The following PHACTR4 variants were observed in gnomAD, a reference collection of about 807,000 sequenced individuals.
PHACTR4 encodes phosphatase and actin regulator 4, also known as protein phosphatase 1, regulatory subunit 124.
In PHACTR4, 51 loss-of-function variants were observed where a neutral mutation model predicts 72.7. That is an observed-to-expected ratio of 0.70 (90% confidence interval 0.56 to 0.89). The LOEUF is 0.89. PHACTR4 is among the 40% of genes least tolerant of loss of function. The pLI is 0.00. For synonymous variants in PHACTR4, 255 were observed against 302.5 expected (o/e 0.84, Z 1.63); for missense variants, 731 against 861.8 (o/e 0.85, Z 1.90).
At chr1:28,407,580 A>G in intron 2 of PHACTR4, 117 bp downstream of exon 2, 2 of 746,980 alleles carry the variant, frequency 2.7e-6, no homozygotes, top group Non-Finnish European at 4.2e-6. Flanking sequence ...TCTCTAGAAT[A>G]ATGGGTCTCA....
chr1:28,406,271 G>C (rs766787389), intron 1 of PHACTR4, among the ~76,000 whole-genome samples: 4 of 151,972 alleles, frequency 2.6e-5, no homozygotes, highest in Admixed American at 6.6e-5. Context: ...TTGTCACCAG[G>C]CTACTATAAT....
intron 12 of PHACTR4, among the ~76,000 whole-genome samples, chr1:28,492,321 C>T (rs948970277): frequency 2.0e-5 from 3 of 151,368 alleles, no homozygotes; most frequent in African/African-American, 7.3e-5. Context: ...CCTGTAATAC[C>T]AGCTACTTGG....
At chr1:28,429,099 T>C (rs1392981017) in intron 2 of PHACTR4, among the ~76,000 whole-genome samples, 1 of 152,224 alleles carries the variant, frequency 6.6e-6, no homozygotes, top group Non-Finnish European at 1.5e-5. Flanking sequence ...TCCAGTGAGC[T>C]AGCCACATAA....
At chr1:28,480,738 T>C in intron 9 of PHACTR4, 134 bp downstream of exon 9, 1 of 1,190,948 alleles carries the variant, frequency 8.4e-7, no homozygotes, top group Non-Finnish European at 1.2e-6. Flanking sequence ...TCACCCAGGC[T>C]GGAGTAGTGG....
At chr1:28,427,828 G>C (rs896455047) in intron 2 of PHACTR4, among the ~76,000 whole-genome samples, 1 of 152,154 alleles carries the variant, frequency 6.6e-6, no homozygotes, top group Non-Finnish European at 1.5e-5. Flanking sequence ...ACACATTAGA[G>C]GTACTCAGCA....
intron 1 of PHACTR4, among the ~76,000 whole-genome samples, chr1:28,375,009 G>C (rs907252894): frequency 1.3e-5 from 2 of 152,096 alleles, no homozygotes; most frequent in Non-Finnish European, 2.9e-5. Flanking sequence ...ACTACTATTA[G>C]AAGAAGAGGC....
chr1:28,424,703 T>C (rs1307215132), intron 2 of PHACTR4, among the ~76,000 whole-genome samples: 1 of 151,926 alleles, frequency 6.6e-6, no homozygotes, highest in African/African-American at 2.4e-5. Flanking sequence ...TTAGCCAGGA[T>C]GGTCTCGATA....
intron 1 of PHACTR4, among the ~76,000 whole-genome samples, chr1:28,399,885 G>A (rs1018550979): frequency 6.6e-6 from 1 of 152,194 alleles, no homozygotes; most frequent in African/African-American, 2.4e-5. Context: ...AGCAAATCAC[G>A]CAGTTTCTGG....
At chr1:28,391,383 A>C (rs945987082) in intron 1 of PHACTR4, among the ~76,000 whole-genome samples, 6 of 151,118 alleles carry the variant, frequency 4.0e-5, no homozygotes, top group Non-Finnish European at 7.4e-5. Context: ...TGGGCTACAG[A>C]GGGAGATTCT....
At chr1:28,456,122 G>C (rs1446439176) in intron 2 of PHACTR4, among the ~76,000 whole-genome samples, 2 of 151,876 alleles carry the variant, frequency 1.3e-5, no homozygotes. Flanking sequence ...ATAAAGAAAA[G>C]AGCTTTATTT....
At chr1:28,424,860 C>G (rs1421022361) in intron 2 of PHACTR4, among the ~76,000 whole-genome samples, 1 of 151,322 alleles carries the variant, frequency 6.6e-6, no homozygotes, top group Non-Finnish European at 1.5e-5. Context: ...GTGGTGCAAT[C>G]TAGGCTCACT....
At chr1:28,374,844 T>C (rs941313059) in intron 1 of PHACTR4, among the ~76,000 whole-genome samples, 1 of 152,204 alleles carries the variant, frequency 6.6e-6, no homozygotes, top group African/African-American at 2.4e-5. Context: ...ACTGCAACCT[T>C]GAGCAACTCA....
At chr1:28,404,127 T>G (rs561787975) in intron 1 of PHACTR4, among the ~76,000 whole-genome samples, 1 of 152,266 alleles carries the variant, frequency 6.6e-6, no homozygotes, top group African/African-American at 2.4e-5. Flanking sequence ...TTTTTGTATT[T>G]TTTGTAGAGA....
intron 4 of PHACTR4, among the ~76,000 whole-genome samples, chr1:28,462,076 T>C (rs144473926): frequency 0.1 from 15,576 of 151,648 alleles, 1,872 homozygotes; most frequent in African/African-American, 0.29. Flanking sequence ...GGTGTGATCT[T>C]GGCTCACTGC....
intron 2 of PHACTR4, among the ~76,000 whole-genome samples, chr1:28,415,260 C>CA (rs535288012): frequency 0.2 from 21,790 of 110,118 alleles, 1,933 homozygotes; most frequent in African/African-American, 0.3. Context: ...GACTCTGTCT[C>CA]AAAAAAAAAA....
At chr1:28,435,040 C>G (rs186406804) in intron 2 of PHACTR4, among the ~76,000 whole-genome samples, 31 of 152,178 alleles carry the variant, frequency 2.0e-4, no homozygotes, top group Admixed American at 7.2e-4. Flanking sequence ...CAAGGTAATG[C>G]TTTTATCTGG....
At chr1:28,477,408 T>C (rs933819907) in intron 8 of PHACTR4, among the ~76,000 whole-genome samples, 1 of 150,114 alleles carries the variant, frequency 6.7e-6, no homozygotes, top group Non-Finnish European at 1.5e-5. Flanking sequence ...CCTGACCTCA[T>C]GTGATCCCCC....
intron 2 of PHACTR4, chr1:28,453,722 C>A: frequency 8.2e-7 from 1 of 1,217,614 alleles, no homozygotes; most frequent in Non-Finnish European, 1.2e-6. Flanking sequence ...ATTTGAGGTT[C>A]TTCAGTTAGA....
At chr1:28,454,370 G>A (rs1403024704) in intron 2 of PHACTR4, among the ~76,000 whole-genome samples, 5 of 141,746 alleles carry the variant, frequency 3.5e-5, no homozygotes, top group Non-Finnish European at 6.0e-5. Flanking sequence ...TCCACCTCCC[G>A]GGTTCACGCC....
Sources: gnomAD v4.1 joint callset for allele counts (sites outside exome capture counted in the v4.1 genomes callset) on GRCh38, gnomAD v4.1.1 for gene constraint, MANE v1.5 for transcripts, NCBI Gene and HGNC (gene_info 2026-07-23, HGNC 2026-07-21) for gene names.